SIL1: variants seen among roughly 807,000 people sequenced by gnomAD.
SIL1 encodes nucleotide exchange factor SIL1.
A neutral mutation model predicts 49.1 loss-of-function variants in SIL1; 40 were observed. That is an observed-to-expected ratio of 0.81 (90% CI 0.63 to 1.06). The LOEUF (loss-of-function observed/expected upper bound fraction) is 1.06. Ranked by LOEUF, SIL1 falls within the 50% of genes least tolerant of loss-of-function variation. The probability of loss-of-function intolerance (pLI) is 0.00; values close to 1 mark genes in which losing one functional copy is unlikely to be tolerated. For synonymous variants in SIL1, 253 were observed against 250.8 expected (o/e 1.01, Z -0.08); for missense variants, 500 against 572.6 (o/e 0.87, Z 1.29).
intron 2 of SIL1, among the ~76,000 whole-genome samples, chr5:139,127,044 A>G (rs1447855286): frequency 1.3e-5 from 2 of 152,216 alleles, no homozygotes; most frequent in African/African-American, 4.8e-5. Flanking sequence ...CAGGAACCGT[A>G]GTGTGCTGCA....
chr5:138,985,812 G>T (rs1008872031), intron 7 of SIL1, among the ~76,000 whole-genome samples: 1 of 152,186 alleles, frequency 6.6e-6, no homozygotes, highest in Non-Finnish European at 1.5e-5. Flanking sequence ...GCCATGGCTA[G>T]AGATAAGTGG....
At chr5:139,147,779 CTG>C (rs1406194791) in intron 1 of SIL1, among the ~76,000 whole-genome samples, 2 of 152,234 alleles carry the variant, frequency 1.3e-5, no homozygotes, top group African/African-American at 4.8e-5. Flanking sequence ...ATTTAAATAA[CTG>C]TGTTTAATGT....
intron 6 of SIL1, among the ~76,000 whole-genome samples, chr5:139,022,806 A>G (rs745667701): frequency 6.6e-6 from 1 of 152,192 alleles, no homozygotes; most frequent in Non-Finnish European, 1.5e-5. Context: ...CTAACTAGGG[A>G]GACTCAGGGT....
intron 7 of SIL1, among the ~76,000 whole-genome samples, chr5:138,981,611 G>A (rs144135932): frequency 3.9e-5 from 6 of 152,316 alleles, no homozygotes; most frequent in African/African-American, 1.2e-4. Context: ...GATTAGATCT[G>A]ACTGATGGCA....
intron 7 of SIL1, among the ~76,000 whole-genome samples, chr5:139,017,936 A>G (rs895040872): frequency 1.3e-5 from 2 of 152,190 alleles, no homozygotes; most frequent in African/African-American, 4.8e-5. Context: ...AGGAGAAAGC[A>G]GGTTTGAGAT....
At chr5:139,021,352 G>T in intron 6 of SIL1, 60 bp from the exon 7 acceptor site, 2 of 1,603,612 alleles carry the variant, frequency 1.2e-6, no homozygotes, top group Non-Finnish European at 1.7e-6. Flanking sequence ...GCTGTTCTTA[G>T]AGCCTTTCTT....
chr5:138,990,748 G>A (rs1226351441), intron 7 of SIL1, among the ~76,000 whole-genome samples: 8 of 151,992 alleles, frequency 5.3e-5, no homozygotes, highest in Admixed American at 2.6e-4. Flanking sequence ...TCTTTTCTTC[G>A]TGACAGAGTC....
At chr5:138,952,637 C>T (rs1561802361) in intron 7 of SIL1, among the ~76,000 whole-genome samples, 1 of 152,242 alleles carries the variant, frequency 6.6e-6, no homozygotes, top group Non-Finnish European at 1.5e-5. Flanking sequence ...AACACGTGTA[C>T]ACAACCATGA....
chr5:139,090,779 T>G (rs1054289106), intron 3 of SIL1, among the ~76,000 whole-genome samples: 1 of 152,070 alleles, frequency 6.6e-6, no homozygotes, highest in Non-Finnish European at 1.5e-5. Context: ...TAATTTTTTT[T>G]CTTTTTTGTA....
intron 3 of SIL1, among the ~76,000 whole-genome samples, chr5:139,097,428 TAACA>T (rs1770492147): frequency 6.6e-6 from 1 of 151,812 alleles, no homozygotes; most frequent in African/African-American, 2.4e-5. Context: ...CTATTAGAAT[TAACA>T]AACAAATTCA....
At position 138,963,433 on chromosome 5, in the gene SIL1, T is replaced by G. The variant is rs1226987286; in HGVS notation, c.768-11549A>C. 2.6e-5 allele frequency among the ~76,000 whole-genome samples: 4 copies of G among 152,220 alleles called. No individual in the cohort carries two copies. In the East Asian group the frequency reaches 7.7e-4, roughly 29 times the overall value. On this transcript the variant is annotated intron_variant, in intron 7 of 9. Coordinates refer to ENST00000394817, the MANE Select transcript of SIL1 (RefSeq NM_022464.5). ...AATCACGCAGGGCCTATTTTGCGTT[T>G]GCCACACAACTGTAGGAATGTTTAT...
chr5:138,957,632 A>G (rs546660399), intron 7 of SIL1, among the ~76,000 whole-genome samples: 2 of 151,970 alleles, frequency 1.3e-5, no homozygotes, highest in South Asian at 4.2e-4. Flanking sequence ...AAGAATAGTA[A>G]ATAAACTCCC....
Position 138,947,599 on chromosome 5 carries a change from G to T in SIL1, c.1030-126C>A. On this transcript the variant is annotated intron_variant, in intron 9 of 9. Coordinates refer to ENST00000394817, the MANE Select transcript of SIL1 (RefSeq NM_022464.5). The surrounding 1 kb of genome is among the most constrained non-coding windows in gnomAD (Gnocchi z 4.1). ...GAAGGCACGAGGCTGACCCCTGAGG[G>T]CCCACCTCTTCCTCTATCCCCAAGT... 1.3e-6 allele frequency: 1 copy of T among 762,524 alleles called. No homozygotes were observed. The allele number at this position is 762,524 out of a possible 1,614,324, so 47.2% of individuals were successfully genotyped here.
intron 1 of SIL1, among the ~76,000 whole-genome samples, chr5:139,185,694 C>A (rs1752066070): frequency 1.3e-5 from 2 of 152,216 alleles, no homozygotes; most frequent in Non-Finnish European, 2.9e-5. Flanking sequence ...ACAAACTGCA[C>A]TGCTTTCAGT....
intron 3 of SIL1, among the ~76,000 whole-genome samples, chr5:139,100,962 A>G (rs945102251): frequency 6.6e-6 from 1 of 152,120 alleles, no homozygotes; most frequent in Non-Finnish European, 1.5e-5. Flanking sequence ...CAGATGAAAC[A>G]TGAAGCCATC....
intron 3 of SIL1, among the ~76,000 whole-genome samples, chr5:139,100,262 G>A (rs1036615879): frequency 6.6e-6 from 1 of 152,210 alleles, no homozygotes; most frequent in East Asian, 1.9e-4. Flanking sequence ...TCTGAGGAAA[G>A]ACTAAGGGAA....
intron 7 of SIL1, among the ~76,000 whole-genome samples, chr5:138,963,426 T>A (rs1400726791): frequency 6.6e-6 from 1 of 152,208 alleles, no homozygotes; most frequent in African/African-American, 2.4e-5. Context: ...AGGGCCTATT[T>A]TGCGTTTGCC....
chr5:139,138,516 C>G (rs1218357256), intron 1 of SIL1, among the ~76,000 whole-genome samples: 1 of 152,224 alleles, frequency 6.6e-6, no homozygotes, highest in African/African-American at 2.4e-5. Context: ...AAGCTCCATT[C>G]CCTTCCAACC....
chr5:138,993,224 C>T (rs184541271), intron 7 of SIL1, among the ~76,000 whole-genome samples: 338 of 152,274 alleles, frequency 2.2e-3, no homozygotes, highest in African/African-American at 7.8e-3. Context: ...GCTCCTTCCA[C>T]CCTGCTCCCT....
Sources: gnomAD v4.1 joint callset for allele counts (sites outside exome capture counted in the v4.1 genomes callset) on GRCh38, gnomAD v4.1.1 for gene constraint, Gnocchi (gnomAD v3.1) non-coding constraint, MANE v1.5 for transcripts, NCBI Gene and HGNC (gene_info 2026-07-23, HGNC 2026-07-21) for gene names.